Variants in ELP4 observed in about 807,000 individuals in gnomAD.
ELP4 encodes elongator complex protein 4.
A neutral mutation model predicts 48.9 loss-of-function variants in ELP4; 51 were observed. The ratio of observed to expected loss-of-function variants is 1.04; its 90% CI spans 0.83 to 1.32. ELP4 has a LOEUF of 1.32. ELP4 is among the 40% of genes most tolerant of loss of function. The probability of loss-of-function intolerance (pLI) is 0.00; values close to 1 mark genes in which losing one functional copy is unlikely to be tolerated. For synonymous variants in ELP4, 210 were observed against 189.2 expected (o/e 1.11, Z -0.90); for missense variants, 519 against 514.6 (o/e 1.01, Z -0.08).
intron 3 of ELP4, among the ~76,000 whole-genome samples, chr11:31,562,418 C>T (rs1196129009): frequency 6.6e-6 from 1 of 152,056 alleles, no homozygotes; most frequent in East Asian, 1.9e-4. Flanking sequence ...CTTCTCAATA[C>T]ATTCCTGGTT....
At chr11:31,739,900 A>G (rs1263224060) in intron 9 of ELP4, among the ~76,000 whole-genome samples, 1 of 152,222 alleles carries the variant, frequency 6.6e-6, no homozygotes, top group East Asian at 1.9e-4. Context: ...ATATTTACTC[A>G]TAGAGTCCCC....
chr11:31,582,445 T>C (rs1268158973), intron 3 of ELP4, among the ~76,000 whole-genome samples: 1 of 150,782 alleles, frequency 6.6e-6, no homozygotes, highest in Non-Finnish European at 1.5e-5. Flanking sequence ...TTCTGCACAC[T>C]GTTTTTTTCC....
chr11:31,632,497 G>T, intron 7 of ELP4, 92 bp downstream of exon 7: 1 of 1,035,996 alleles, frequency 9.7e-7, no homozygotes. Context: ...AACTAATGAT[G>T]TTGACCATCT....
chr11:31,718,307 C>T (rs1423015681), intron 9 of ELP4, among the ~76,000 whole-genome samples: 1 of 152,162 alleles, frequency 6.6e-6, no homozygotes, highest in Non-Finnish European at 1.5e-5. Flanking sequence ...GCAGATATAC[C>T]TGCCCAAGAA....
At chr11:31,655,408 T>C (rs889786568) in intron 9 of ELP4, among the ~76,000 whole-genome samples, 2 of 152,008 alleles carry the variant, frequency 1.3e-5, no homozygotes, top group African/African-American at 4.8e-5. Context: ...AACTAAATTA[T>C]TGTCTTGAAT....
At chr11:31,600,472 G>A (rs781486176) in intron 4 of ELP4, 1 of 152,220 alleles carries the variant, frequency 6.6e-6, no homozygotes, top group South Asian at 2.1e-4. Context: ...TTTAGCTGCA[G>A]CAGCCCTGTG....
intron 7 of ELP4, among the ~76,000 whole-genome samples, chr11:31,634,562 A>G (rs1192906988): frequency 6.6e-6 from 1 of 152,056 alleles, no homozygotes; most frequent in South Asian, 2.1e-4. Flanking sequence ...TTTCTGTGAC[A>G]GTGAATCCTG....
intron 3 of ELP4, among the ~76,000 whole-genome samples, chr11:31,547,042 C>T (rs1413601074): frequency 2.0e-5 from 3 of 152,002 alleles, no homozygotes; most frequent in African/African-American, 7.2e-5. Context: ...AGGAAAGATC[C>T]AAAATTGACA....
At chr11:31,688,230 A>G (rs1304785697) in intron 9 of ELP4, among the ~76,000 whole-genome samples, 4 of 152,272 alleles carry the variant, frequency 2.6e-5, no homozygotes, top group Admixed American at 6.5e-5. Flanking sequence ...TGTTATGCTA[A>G]TGCTGTTTAT....
At chr11:31,515,666 C>A (rs745598869) in intron 1 of ELP4, among the ~76,000 whole-genome samples, 1 of 151,368 alleles carries the variant, frequency 6.6e-6, no homozygotes, top group Non-Finnish European at 1.5e-5. Flanking sequence ...CCTGTCCCCA[C>A]CCCCCACAAA....
chr11:31,739,841 C>T (rs534438317), intron 9 of ELP4, among the ~76,000 whole-genome samples: 3 of 152,310 alleles, frequency 2.0e-5, no homozygotes, highest in African/African-American at 7.2e-5. Context: ...CTGGCATCAA[C>T]CTTTCCATTT....
chr11:31,712,862 CAATT>C (rs1565123473), intron 9 of ELP4, among the ~76,000 whole-genome samples: 5 of 152,126 alleles, frequency 3.3e-5, no homozygotes, highest in African/African-American at 9.7e-5. Context: ...ATGAAGACAT[CAATT>C]GTCAGGATGC....
At chr11:31,526,888 C>A (rs2133887657) in intron 2 of ELP4, among the ~76,000 whole-genome samples, 1 of 151,990 alleles carries the variant, frequency 6.6e-6, no homozygotes, top group South Asian at 2.1e-4. Flanking sequence ...GGAAAAAAAT[C>A]TTCCCTCTTA....
chr11:31,521,772 C>T (rs1471886707), intron 2 of ELP4, among the ~76,000 whole-genome samples: 2 of 152,130 alleles, frequency 1.3e-5, no homozygotes, highest in African/African-American at 4.8e-5. Context: ...TGGTTAAAAA[C>T]ATCTTCAGTT....
intron 9 of ELP4, among the ~76,000 whole-genome samples, chr11:31,757,556 TAAGGAAATGAC>T (rs1232398990): frequency 6.6e-6 from 1 of 152,174 alleles, no homozygotes; most frequent in African/African-American, 2.4e-5. Flanking sequence ...CGTGTTTCTT[TAAGGAAATGAC>T]AAGGAGCACT....
intron 7 of ELP4, among the ~76,000 whole-genome samples, chr11:31,641,710 C>T (rs1024405678): frequency 6.6e-6 from 1 of 151,916 alleles, no homozygotes; most frequent in African/African-American, 2.4e-5. Context: ...CATTTTCCCA[C>T]CTGCCTCAGC....
chr11:31,575,630 A>G (rs1303060870), intron 3 of ELP4, among the ~76,000 whole-genome samples: 1 of 152,250 alleles, frequency 6.6e-6, no homozygotes, highest in East Asian at 1.9e-4. Flanking sequence ...AGTGGGGGCC[A>G]ATATTCAACA....
Position 31,547,900 on chromosome 11 carries a change from A to C in ELP4, c.381+8117A>C, listed in dbSNP as rs891411015. ...AAGACAAAAACCACATGATTATCTC[A>C]ATAGATGCAGAAAAGGCCTTTGACA... On this transcript the variant is annotated intron_variant, in intron 3 of 9. Coordinates refer to ENST00000640961, the MANE Select transcript of ELP4 (RefSeq NM_019040.5). 3.9e-5 allele frequency among the ~76,000 whole-genome samples: 6 copies of C among 152,176 alleles called. 1 individual carries two copies. In the East Asian group the frequency reaches 5.8e-4, roughly 15 times the overall value.
Position 31,789,912 on chromosome 11 carries a change from C to CTTTTTTTTTTTT in ELP4, c.*6400_*6411dup. 3 of 1,045,992 alleles carry CTTTTTTTTTTTT rather than the reference C, an allele frequency of 2.9e-6. No homozygotes were observed. Among genetic ancestry groups the CTTTTTTTTTTTT allele is most frequent in the Admixed American group, 2.3e-5 (1 of 43,874 alleles). The allele number at this position is 1,045,992 out of a possible 1,614,324, so 64.8% of individuals were successfully genotyped here. Reference sequence around the variant, plus strand: ...CTGAATTAACACAATATTTCCTTTCCTTTTTTTTTTTTTTTTTTTTTTTAC... The same window carrying CTTTTTTTTTTTT: ...CTGAATTAACACAATATTTCCTTTCCTTTTTTTTTTTTTTTTTTTTTTTTTTTTTTTTTTTAC... On this transcript the variant is annotated 3_prime_UTR_variant, in exon 10 of 10. Coordinates refer to ENST00000640961, the MANE Select transcript of ELP4 (RefSeq NM_019040.5).
Sources: gnomAD v4.1 joint callset for allele counts (sites outside exome capture counted in the v4.1 genomes callset) on GRCh38, gnomAD v4.1.1 for gene constraint, MANE v1.5 for transcripts, NCBI Gene and HGNC (gene_info 2026-07-23, HGNC 2026-07-21) for gene names.